Variants in RABGEF1 observed in about 807,000 individuals in gnomAD.
RABGEF1 encodes the protein rab5 GDP/GTP exchange factor.
Under a neutral mutation model 57.3 loss-of-function variants are expected in RABGEF1, and 26 were observed. That is an observed-to-expected ratio of 0.45 (90% confidence interval 0.33 to 0.63). The LOEUF (loss-of-function observed/expected upper bound fraction) is 0.63. RABGEF1 is among the 20% of genes least tolerant of loss of function. RABGEF1 has a pLI of 0.02. For missense variants in RABGEF1, 464 were observed against 607.6 expected, an observed-to-expected ratio of 0.76 and a Z score of 2.48; for synonymous variants, 185 against 210.7, an observed-to-expected ratio of 0.88 and a Z score of 1.06.
intron 1 of RABGEF1, among the ~76,000 whole-genome samples, chr7:66,702,689 CTTA>C (rs748095465): frequency 3.3e-5 from 5 of 152,024 alleles, no homozygotes; most frequent in Non-Finnish European, 7.4e-5. Flanking sequence ...GAAGTGGTGT[CTTA>C]TTGTGGTTTT....
chr7:66,726,468 G>A (rs1796593462), intron 2 of RABGEF1, among the ~76,000 whole-genome samples: 1 of 152,038 alleles, frequency 6.6e-6, no homozygotes, highest in Non-Finnish European at 1.5e-5. Flanking sequence ...GGGTTCAAGC[G>A]ATCCTCCCAC....
At chr7:66,658,286 A>C in the RABGEF1 span, among the ~76,000 whole-genome samples, 1 of 152,178 alleles carries the variant, frequency 6.6e-6, no homozygotes, top group Non-Finnish European at 1.5e-5. Flanking sequence ...TAATCCCAGC[A>C]CTTTGGGAGG....
chr7:66,756,896 A>G (rs771717095), intron 1 of RABGEF1, among the ~76,000 whole-genome samples: 7 of 152,128 alleles, frequency 4.6e-5, no homozygotes, highest in Admixed American at 6.5e-5. Context: ...TACCTTATAT[A>G]TTACATTAGA....
In RABGEF1 at chr7:66,773,079, G is replaced by GT. The variant is rs1241121812; in HGVS notation, c.179+1004dup. On this transcript the variant is annotated intron_variant, in intron 2 of 8. Coordinates refer to ENST00000284957, the MANE Select transcript of RABGEF1 (RefSeq NM_014504.3). ...ATTCTGCCAACTCCTCTAGCTAGTT[G>GT]TTTGTTTTTTTTTTTTCATCCAGTC... 5.2e-3 allele frequency among the ~76,000 whole-genome samples: 556 copies of GT among 106,990 alleles called. 1 individual carries two copies. Among genetic ancestry groups the GT allele is most frequent in the Middle Eastern group, 0.051 (9 of 178 alleles). The allele number at this position is 106,990 out of a possible 152,430, so 70.2% of individuals were successfully genotyped here.
intron 1 of RABGEF1, among the ~76,000 whole-genome samples, chr7:66,708,193 T>C (rs747401224): frequency 6.6e-6 from 1 of 152,166 alleles, no homozygotes; most frequent in African/African-American, 2.4e-5. Context: ...TCCTTGTTGT[T>C]ACTTTTACTA....
At chr7:66,697,619 A>G (rs62466135) in intron 1 of RABGEF1, among the ~76,000 whole-genome samples, 1,739 of 152,156 alleles carry the variant, frequency 0.011, 14 homozygotes, top group South Asian at 0.021. Context: ...TGCCTGCCAG[A>G]GTAGGCAGGA....
At chr7:66,684,574 C>A (rs1365403098) in intron 1 of RABGEF1, among the ~76,000 whole-genome samples, 5 of 152,170 alleles carry the variant, frequency 3.3e-5, no homozygotes, top group Admixed American at 3.3e-4. Flanking sequence ...CTTGTCTCAG[C>A]CTCCCAAGTA....
chr7:66,756,448 G>A (rs933200373), intron 1 of RABGEF1, among the ~76,000 whole-genome samples: 2 of 152,044 alleles, frequency 1.3e-5, no homozygotes, highest in African/African-American at 4.8e-5. Flanking sequence ...CACATTTTGC[G>A]GTCTGCTCAA....
At chr7:66,775,493 T>C (rs1431501188) in intron 3 of RABGEF1, 100 bp downstream of exon 3, 18 of 1,408,574 alleles carry the variant, frequency 1.3e-5, no homozygotes, top group African/African-American at 1.4e-5. Context: ...TGTCAACTTT[T>C]TGAGAACATC....
intron 2 of RABGEF1, among the ~76,000 whole-genome samples, chr7:66,727,898 T>C (rs1168686508): frequency 1.3e-5 from 2 of 152,212 alleles, no homozygotes; most frequent in African/African-American, 4.8e-5. Context: ...TGGCTGCCTC[T>C]GGAGCCTTTT....
rs1786247616 is a variant in RABGEF1, at chr7:66,797,371, C to G, written c.596-3C>G. The G allele has an allele frequency of 1.3e-6, 2 of 1,594,636 alleles. No homozygotes were observed. Among genetic ancestry groups the G allele is most frequent in the Admixed American group, 3.5e-5 (2 of 57,700 alleles). On this transcript the variant is annotated splice_polypyrimidine_tract_variant and splice_region_variant and intron_variant, in intron 5 of 8. Coordinates refer to ENST00000284957, the MANE Select transcript of RABGEF1 (RefSeq NM_014504.3). ...TGATCTTTTCTCTGTCTGGTTATTT[C>G]AGTGCCTCCAGAAAGAGTCGAGAAG...
At chr7:66,737,083 AGAGC>A (rs1562754868), upstream of RABGEF1, among the ~76,000 whole-genome samples, 3 of 130,730 alleles carry the variant, frequency 2.3e-5, no homozygotes, top group East Asian at 2.8e-4. Context: ...TGAGAGAGAG[AGAGC>A]GAGAGCGAGA....
intron 1 of RABGEF1, among the ~76,000 whole-genome samples, chr7:66,743,432 C>A (rs1373345859): frequency 1.3e-5 from 2 of 152,050 alleles, no homozygotes; most frequent in African/African-American, 4.8e-5. Context: ...TTAAGCTATC[C>A]TCTTGTCTCA....
chr7:66,779,232 A>G (rs1305309986), intron 3 of RABGEF1, among the ~76,000 whole-genome samples: 1 of 151,556 alleles, frequency 6.6e-6, no homozygotes, highest in Non-Finnish European at 1.5e-5. Context: ...CGGCTGGCAC[A>G]GGGGCTCACG....
chr7:66,801,876 G>A lies in RABGEF1; in HGVS notation c.820+2462G>A, dbSNP rs535709199. Among the ~76,000 whole-genome samples, 5 of 152,272 alleles carry A rather than the reference G, an allele frequency of 3.3e-5. No individual in the cohort carries two copies. The East Asian group carries it at 7.7e-4, about 23-fold the overall frequency. The stretch of plus-strand genomic sequence containing the variant: ...CACCAGTGGTCCCCCGGAGACATTG[G>A]ACAACATCTGGAGACTTATTTATTT... On this transcript the variant is annotated intron_variant, in intron 7 of 8. Coordinates refer to ENST00000284957, the MANE Select transcript of RABGEF1 (RefSeq NM_014504.3).
chr7:66,710,210 T>C (rs996743192), intron 1 of RABGEF1, among the ~76,000 whole-genome samples: 25 of 152,354 alleles, frequency 1.6e-4, no homozygotes, highest in African/African-American at 5.8e-4. Context: ...TGTGTATCAA[T>C]AGTTCATTCC....
intron 1 of RABGEF1, among the ~76,000 whole-genome samples, chr7:66,756,364 A>T (rs908951689): frequency 6.6e-6 from 1 of 152,160 alleles, no homozygotes; most frequent in African/African-American, 2.4e-5. Flanking sequence ...TTTTTGTCAG[A>T]CCAGTTTGGT....
chr7:66,704,762 G>A lies in RABGEF1; in HGVS notation c.-872-7405G>A, dbSNP rs540459023. Among the ~76,000 whole-genome samples the A allele has an allele frequency of 3.4e-4, 52 of 150,924 alleles. 1 individual carries two copies. The South Asian group carries it at 0.011, about 31-fold the overall frequency. On this transcript the variant is annotated intron_variant and NMD_transcript_variant, in intron 1 of 9. Transcript: ENST00000607882. ...GGAGGCGGAGTTTGCAGTGAGCCGA[G>A]ATTGTGCCACTGCACTCCAGCCTGG... is the stretch of plus-strand genomic sequence containing the variant.
At chr7:66,733,630 G>A (rs1797595403) in intron 2 of RABGEF1, among the ~76,000 whole-genome samples, 1 of 152,086 alleles carries the variant, frequency 6.6e-6, no homozygotes, top group African/African-American at 2.4e-5. Context: ...CCCGGGAGGT[G>A]GAAGTTGCAG....
Sources: gnomAD v4.1 joint callset for allele counts (sites outside exome capture counted in the v4.1 genomes callset) on GRCh38, gnomAD v4.1.1 for gene constraint, MANE v1.5 for transcripts, NCBI Gene and HGNC (gene_info 2026-07-23, HGNC 2026-07-21) for gene names.